TBCK: variants seen among roughly 807,000 people sequenced by gnomAD.
TBCK encodes TBC1 domain containing kinase.
TBCK carries 99 observed loss-of-function variants against 113.4 expected under a neutral mutation model. That is an observed-to-expected ratio of 0.87 (90% CI 0.74 to 1.03). The LOEUF is 1.03. Ranked by LOEUF, TBCK falls within the 50% of genes least tolerant of loss-of-function variation. The pLI is 0.00. For missense variants in TBCK, 1,045 were observed against 1,061.3 expected (o/e 0.98, Z 0.21); for synonymous variants, 369 against 370.8 (o/e 1.00, Z 0.05).
At chr4:106,148,279 G>A (rs1028683881) in intron 23 of TBCK, among the ~76,000 whole-genome samples, 3 of 152,058 alleles carry the variant, frequency 2.0e-5, no homozygotes, top group Admixed American at 6.6e-5. Flanking sequence ...ACACCTATTC[G>A]CACACTCCCT....
intron 23 of TBCK, among the ~76,000 whole-genome samples, chr4:106,164,924 G>A (rs1750194619): frequency 6.6e-6 from 1 of 151,600 alleles, no homozygotes; most frequent in Admixed American, 6.6e-5. Flanking sequence ...TGAAGGTAAT[G>A]CAATAAATGC....
intron 24 of TBCK, among the ~76,000 whole-genome samples, chr4:106,112,786 C>G (rs1376838904): frequency 6.6e-6 from 1 of 152,152 alleles, no homozygotes; most frequent in Non-Finnish European, 1.5e-5. Context: ...AGCAGACGTA[C>G]AAGTTAGAAC....
chr4:106,281,377 CT>C (rs1016725277), intron 3 of TBCK, among the ~76,000 whole-genome samples: 3 of 151,808 alleles, frequency 2.0e-5, no homozygotes, highest in Non-Finnish European at 4.4e-5. Context: ...GATAATTCAA[CT>C]TTTTCCTTTC....
chr4:106,119,660 T>C (rs906711672), intron 23 of TBCK, among the ~76,000 whole-genome samples: 2 of 152,058 alleles, frequency 1.3e-5, no homozygotes, highest in Non-Finnish European at 2.9e-5. Flanking sequence ...AAACTAGACA[T>C]AGAATTACAA....
At chr4:106,232,279 T>TA (rs1413607907) in intron 17 of TBCK, among the ~76,000 whole-genome samples, 1 of 151,854 alleles carries the variant, frequency 6.6e-6, no homozygotes, top group East Asian at 1.9e-4. Flanking sequence ...AGAATGTACA[T>TA]AAATCTACCT....
At chr4:106,219,562 C>T (rs1442883332) in intron 19 of TBCK, among the ~76,000 whole-genome samples, 3 of 151,624 alleles carry the variant, frequency 2.0e-5, no homozygotes, top group African/African-American at 4.8e-5. Flanking sequence ...TTTTTTCATT[C>T]TTCCAAAGTT....
At chr4:106,237,084 C>A (rs751760288) in intron 12 of TBCK, among the ~76,000 whole-genome samples, 4 of 151,788 alleles carry the variant, frequency 2.6e-5, no homozygotes, top group Non-Finnish European at 5.9e-5. Flanking sequence ...CCAAACAGAA[C>A]TCAGAATTAC....
At chr4:106,140,979 T>A (rs946093221) in intron 23 of TBCK, among the ~76,000 whole-genome samples, 1 of 140,484 alleles carries the variant, frequency 7.1e-6, no homozygotes, top group Admixed American at 7.1e-5. Flanking sequence ...TTAGTTCCTA[T>A]TGAATACCAG....
chr4:106,119,481 C>T (rs185169130), intron 23 of TBCK, among the ~76,000 whole-genome samples: 4 of 152,008 alleles, frequency 2.6e-5, no homozygotes, highest in Non-Finnish European at 5.9e-5. Context: ...TGAAACTAGA[C>T]CCCTATCTCT....
chr4:106,299,440 G>C (rs1221222505), intron 2 of TBCK, among the ~76,000 whole-genome samples: 2 of 152,150 alleles, frequency 1.3e-5, no homozygotes, highest in African/African-American at 4.8e-5. Flanking sequence ...ATCTATAAGA[G>C]ATTTCCAAAG....
At chr4:106,162,617 C>T (rs780254339) in intron 23 of TBCK, among the ~76,000 whole-genome samples, 9 of 152,118 alleles carry the variant, frequency 5.9e-5, no homozygotes, top group Non-Finnish European at 1.3e-4. Context: ...TCTCAAACCT[C>T]GATTTTTGAC....
At chr4:106,245,908 T>C (rs1760745664) in intron 10 of TBCK, among the ~76,000 whole-genome samples, 1 of 152,124 alleles carries the variant, frequency 6.6e-6, no homozygotes, top group African/African-American at 2.4e-5. Flanking sequence ...CCAACTCTAG[T>C]TCACAAGCTT....
intron 23 of TBCK, among the ~76,000 whole-genome samples, chr4:106,156,914 A>G (rs896041242): frequency 6.6e-6 from 1 of 152,036 alleles, no homozygotes; most frequent in Non-Finnish European, 1.5e-5. Flanking sequence ...TTTTCCCTCT[A>G]ATGTTCTCAA....
intron 23 of TBCK, among the ~76,000 whole-genome samples, chr4:106,167,470 AAAACT>A (rs1299711838): frequency 6.6e-6 from 1 of 151,390 alleles, no homozygotes; most frequent in Non-Finnish European, 1.5e-5. Context: ...TCCACCTTAG[AAAACT>A]AGAAAAAGAA....
chr4:106,257,669 G>C (rs1413566955), intron 5 of TBCK, among the ~76,000 whole-genome samples: 1 of 151,896 alleles, frequency 6.6e-6, no homozygotes, highest in Non-Finnish European at 1.5e-5. Flanking sequence ...TCTTCCAAAT[G>C]AATGTGTGAT....
chr4:106,106,194 G>A lies in TBCK; in HGVS notation c.2411+10009C>T, dbSNP rs545872796. Among the ~76,000 whole-genome samples, 17 of 152,254 alleles carry A rather than the reference G, an allele frequency of 1.1e-4. 1 individual carries two copies. In the South Asian group the frequency reaches 3.5e-3, roughly 32 times the overall value. On this transcript the variant is annotated intron_variant, in intron 24 of 25. Coordinates refer to ENST00000394708, the MANE Select transcript of TBCK (RefSeq NM_001163435.3). ...TTGGCATCCCTGAAAGAGAGGGGAA[G>A]AAAGCAAACAACTTGGAAAATGTAT... is the stretch of plus-strand genomic sequence containing the variant.
chr4:106,244,061 C>T (rs1295233540), intron 11 of TBCK, among the ~76,000 whole-genome samples: 1 of 152,042 alleles, frequency 6.6e-6, no homozygotes, highest in Non-Finnish European at 1.5e-5. Flanking sequence ...ACATGAATAG[C>T]AATGTTAATA....
At chr4:106,079,289 T>C (rs781096394) in intron 25 of TBCK, among the ~76,000 whole-genome samples, 71 of 152,144 alleles carry the variant, frequency 4.7e-4, no homozygotes, top group Admixed American at 7.9e-4. Flanking sequence ...GTTCTCAACA[T>C]TGGTATTCAA....
At chr4:106,232,793 T>G (rs111362520) in intron 17 of TBCK, 145 bp downstream of exon 17, 2 of 704,424 alleles carry the variant, frequency 2.8e-6, no homozygotes, top group Non-Finnish European at 4.4e-6. Context: ...AATGTTTGGA[T>G]GTAAACCTCT....
Sources: allele counts gnomAD v4.1 joint callset (sites outside exome capture counted in the v4.1 genomes callset), GRCh38; gene constraint gnomAD v4.1.1; transcripts MANE v1.5; gene names NCBI Gene and HGNC (gene_info 2026-07-23, HGNC 2026-07-21).